Variants in BRD10 observed in about 807,000 individuals in gnomAD.
BRD10 encodes the protein uncharacterized bromodomain-containing protein 10.
the BRD10 span, among the ~76,000 whole-genome samples, chr9:5,893,591 A>G: frequency 1.3e-5 from 2 of 152,182 alleles, no homozygotes; most frequent in Non-Finnish European, 2.9e-5. Flanking sequence ...CCTGACAGCA[A>G]AAACATACTC....
chr9:5,959,463 T>C, the BRD10 span, among the ~76,000 whole-genome samples: 1 of 152,182 alleles, frequency 6.6e-6, no homozygotes, highest in African/African-American at 2.4e-5. Flanking sequence ...TTAAATGAGA[T>C]AGCATGTATA....
At chr9:5,944,913 G>T in the BRD10 span, 1 of 1,543,348 alleles carries the variant, frequency 6.5e-7, no homozygotes, top group East Asian at 2.4e-5. Flanking sequence ...GTTCATTCTC[G>T]ATTTTTGTGA....
chr9:6,008,174 G>T, the BRD10 span: 2 of 974,720 alleles, frequency 2.1e-6, no homozygotes, highest in Non-Finnish European at 2.4e-6. Flanking sequence ...GCGGGGGGCT[G>T]GGAGGGGGCG....
the BRD10 span, among the ~76,000 whole-genome samples, chr9:5,908,223 AT>A: frequency 1.3e-5 from 2 of 152,142 alleles, no homozygotes; most frequent in African/African-American, 2.4e-5. Context: ...GCCCTGACAC[AT>A]TTGTTCTGGA....
chr9:5,913,812 A>G, the BRD10 span: 7 of 221,474 alleles, frequency 3.2e-5, no homozygotes, highest in Non-Finnish European at 6.4e-5. Context: ...ACTATTAAAA[A>G]GAAAATCAAA....
At chr9:5,883,432 C>T in the BRD10 span, among the ~76,000 whole-genome samples, 2 of 146,764 alleles carry the variant, frequency 1.4e-5, no homozygotes, top group Non-Finnish European at 3.0e-5. Context: ...CTGTATCCCA[C>T]AAAACAACTT....
the BRD10 span, among the ~76,000 whole-genome samples, chr9:5,948,653 A>G: frequency 1.3e-5 from 2 of 152,190 alleles, no homozygotes; most frequent in Non-Finnish European, 1.5e-5. Flanking sequence ...ATAAGGTAAC[A>G]TTAAAAAATA....
At chr9:5,897,801 A>T in the BRD10 span, 2 of 715,116 alleles carry the variant, frequency 2.8e-6, no homozygotes, top group East Asian at 5.3e-5. Flanking sequence ...GCTACATTGT[A>T]CTTTGGCAAC....
At chr9:5,963,549 A>C in the BRD10 span, among the ~76,000 whole-genome samples, 1 of 150,910 alleles carries the variant, frequency 6.6e-6, no homozygotes, top group South Asian at 2.1e-4. Context: ...GAATTGGAAA[A>C]AACTACTTTA....
At chr9:5,999,967 T>C in the BRD10 span, among the ~76,000 whole-genome samples, 1 of 152,220 alleles carries the variant, frequency 6.6e-6, no homozygotes, top group Non-Finnish European at 1.5e-5. Flanking sequence ...CTGTGTTCAA[T>C]TTTTAACTTG....
the BRD10 span, chr9:6,008,052 C>T: frequency 8.8e-7 from 1 of 1,133,584 alleles, no homozygotes. Flanking sequence ...CCGGCGGCGG[C>T]GCGCGCACGG....
the BRD10 span, among the ~76,000 whole-genome samples, chr9:5,878,918 A>C: frequency 6.6e-6 from 1 of 152,224 alleles, no homozygotes; most frequent in African/African-American, 2.4e-5. Context: ...GGAAGAACCC[A>C]AACTCCTGAA....
chr9:5,980,722 T>A, the BRD10 span, among the ~76,000 whole-genome samples: 1 of 152,278 alleles, frequency 6.6e-6, no homozygotes, highest in East Asian at 1.9e-4. Context: ...ATCTACTTTT[T>A]AGTTTGTGTC....
At chr9:5,891,660 G>A in the BRD10 span, among the ~76,000 whole-genome samples, 1 of 152,102 alleles carries the variant, frequency 6.6e-6, no homozygotes, top group Non-Finnish European at 1.5e-5. Context: ...CTTGAATTAC[G>A]GCCACTGCAG....
the BRD10 span, among the ~76,000 whole-genome samples, chr9:5,977,865 A>C: frequency 1.8e-5 from 2 of 113,038 alleles, no homozygotes; most frequent in Non-Finnish European, 3.9e-5. Flanking sequence ...GAAGTACATC[A>C]CATTTTGCTG....
At chr9:5,911,409 T>TG in the BRD10 span, among the ~76,000 whole-genome samples, 1 of 151,364 alleles carries the variant, frequency 6.6e-6, no homozygotes, top group Non-Finnish European at 1.5e-5. Flanking sequence ...ATGTGTGTTT[T>TG]TTTTTTTTTT....
chr9:5,888,902 C>G, the BRD10 span, among the ~76,000 whole-genome samples: 1 of 152,164 alleles, frequency 6.6e-6, no homozygotes, highest in Non-Finnish European at 1.5e-5. Context: ...GGAAGAATTT[C>G]TCAATTGAGT....
At chr9:5,881,667 G>C in the BRD10 span, 1 of 152,232 alleles carries the variant, frequency 6.6e-6, no homozygotes. Flanking sequence ...CAAGTCTTCA[G>C]AGCGATACCT....
chr9:5,919,622 A>C, the BRD10 span: 16 of 1,456,408 alleles, frequency 1.1e-5, no homozygotes, highest in Admixed American at 3.3e-4. Flanking sequence ...TAAACATTGA[A>C]AATTTTTATG....
Sources: gnomAD v4.1 joint callset for allele counts (sites outside exome capture counted in the v4.1 genomes callset) on GRCh38, gnomAD v4.1.1 for gene constraint, MANE v1.5 for transcripts, NCBI Gene and HGNC (gene_info 2026-07-23, HGNC 2026-07-21) for gene names.